The following AKAP13 variants were observed in gnomAD, a reference collection of about 807,000 sequenced individuals.
The protein encoded by AKAP13 is A-kinase anchoring protein 13.
AKAP13 carries 80 observed loss-of-function variants against 264.5 expected under a neutral mutation model. The observed-to-expected ratio is 0.30, with a 90% CI of 0.25 to 0.36. AKAP13 has a LOEUF of 0.36. Ranked by LOEUF, AKAP13 falls within the 10% of genes least tolerant of loss-of-function variation. The pLI is 1.00. For missense variants in AKAP13, 3,712 were observed against 3,435.2 expected (o/e 1.08, Z -2.01); for synonymous variants, 1,380 against 1,250.2 (o/e 1.10, Z -2.19).
At chr15:85,475,684 TAGC>T (rs1213674525) in intron 1 of AKAP13, among the ~76,000 whole-genome samples, 1 of 152,156 alleles carries the variant, frequency 6.6e-6, no homozygotes, top group East Asian at 1.9e-4. Context: ...GCTTAACACT[TAGC>T]AGAATTCATG....
At chr15:85,450,541 TTC>T (rs777711780) in intron 1 of AKAP13, among the ~76,000 whole-genome samples, 1 of 152,192 alleles carries the variant, frequency 6.6e-6, no homozygotes, top group Non-Finnish European at 1.5e-5. Flanking sequence ...GTCCCAGAGA[TTC>T]TGTTATGTTG....
chr15:85,668,228 A>G (rs1318932637), intron 13 of AKAP13, among the ~76,000 whole-genome samples: 2 of 152,226 alleles, frequency 1.3e-5, no homozygotes, highest in Admixed American at 6.5e-5. Context: ...GCTCTAAATA[A>G]TCAGAAGTCT....
Position 85,581,074 on chromosome 15 carries a change from C to T in AKAP13, c.3006C>T (p.Ala1002=). ...AAACTGAACATAACAAGGAAGTGGC[C>T]CCACAAGTCTCACTGCTGACTCAAG... ...KAETEHNKEV[A]PQVSLLTQGG... is the part of the protein sequence containing the mutation. The change falls in exon 7 of 37, where the codon GCC becomes GCT. Residue 1002 remains alanine, a synonymous_variant. Transcript: ENST00000394518. 3.1e-6 allele frequency: 5 copies of T among 1,613,998 alleles called. No individual in the cohort carries two copies. Among genetic ancestry groups the T allele is most frequent in the Non-Finnish European group, 4.2e-6 (5 of 1,179,968 alleles).
At chr15:85,450,306 C>G (rs1461121514) in intron 1 of AKAP13, among the ~76,000 whole-genome samples, 1 of 151,656 alleles carries the variant, frequency 6.6e-6, no homozygotes, top group South Asian at 2.1e-4. Flanking sequence ...GATCTTCTCT[C>G]TTTTCTTCTT....
intron 23 of AKAP13, among the ~76,000 whole-genome samples, chr15:85,719,734 A>C (rs1455224566): frequency 6.6e-6 from 1 of 152,060 alleles, no homozygotes; most frequent in South Asian, 2.1e-4. Context: ...CAGGAGTTCA[A>C]GACCAGCCTG....
At position 85,575,468 on chromosome 15, in the gene AKAP13, C is replaced by T. The variant is rs916560677; in HGVS notation, c.861+139C>T. 21 of 813,456 alleles carry T rather than the reference C, an allele frequency of 2.6e-5. No homozygotes were observed. The East Asian group carries it at 3.8e-4, about 15-fold the overall frequency. 50.4% of individuals were successfully genotyped at this position (813,456 alleles called of 1,614,324 possible). The stretch of plus-strand genomic sequence containing the variant: ...TTTCCTGGTGGGAGGCTGAGACGGG[C>T]GGATCACGAGGTCAGGAGATGGAGA... On this transcript the variant is annotated intron_variant, in intron 6 of 36. Coordinates refer to ENST00000394518, the MANE Select transcript of AKAP13 (RefSeq NM_007200.5).
At chr15:85,410,734 C>G (rs535773883) in intron 1 of AKAP13, among the ~76,000 whole-genome samples, 1 of 151,426 alleles carries the variant, frequency 6.6e-6, no homozygotes, top group Non-Finnish European at 1.5e-5. Context: ...TTTTTCAGGG[C>G]CTAACTCAAA....
chr15:85,660,688 A>G (rs1447410419), intron 12 of AKAP13, among the ~76,000 whole-genome samples: 1 of 152,184 alleles, frequency 6.6e-6, no homozygotes, highest in African/African-American at 2.4e-5. Flanking sequence ...TAAAATATAT[A>G]TCTTCTCCTC....
intron 5 of AKAP13, among the ~76,000 whole-genome samples, chr15:85,570,887 A>G (rs2078794952): frequency 6.6e-6 from 1 of 151,892 alleles, no homozygotes; most frequent in African/African-American, 2.4e-5. Flanking sequence ...GCAGGAAGAA[A>G]CAGAGCAAAA....
At position 85,521,429 on chromosome 15, in the gene AKAP13, G is replaced by T. The variant is rs200047704; in HGVS notation, c.35G>T (p.Gly12Val). ...TTGCTATATTGTTTCCTTTCCTAGG[G>T]TGATTGTGTTGTTACAGTGCTGCTT... ...KLNPQQAPLYGDCVVTVLLAE... is the reference protein window; with the variant it reads ...KLNPQQAPLYVDCVVTVLLAE... The change falls in exon 3 of 37, where the codon GGT (glycine) becomes GTT (valine). Residue 12 changes from glycine to valine, a missense_variant and splice_region_variant. Coordinates refer to ENST00000394518, the MANE Select transcript of AKAP13 (RefSeq NM_007200.5). 2.5e-6 allele frequency: 4 copies of T among 1,613,956 alleles called. No individual in the cohort carries two copies. The highest frequency in any genetic ancestry group is 3.4e-6 in the Non-Finnish European group (4 of 1,179,930).
intron 17 of AKAP13, among the ~76,000 whole-genome samples, chr15:85,703,047 G>A (rs1375269266): frequency 6.6e-6 from 1 of 152,168 alleles, no homozygotes; most frequent in Non-Finnish European, 1.5e-5. Flanking sequence ...CAGCATTTCA[G>A]TACTTTTGTG....
Position 85,485,742 on chromosome 15 carries a change from G to A in AKAP13, c.22G>A (p.Ala8Thr), listed in dbSNP as rs757629129. ...GGTCATGAAACTTAATCCACAGCAA[G>A]CTCCCTTATATGTGAGTAAATCATG... MKLNPQQ[A>T]PLYGDCVVTV... The change falls in exon 2 of 37, where the codon GCT becomes ACT. Residue 8 changes from alanine (A) to threonine (T), a missense_variant. Physicochemically the swap from Ala to Thr is moderately conservative, Grantham distance 58. Around this residue, in one of 3 missense-constraint regions of AKAP13, gnomAD observed 2,759 missense variants for 2,411.7 expected, o/e 1.14. Transcript: ENST00000394518. The A allele has an allele frequency of 3.1e-6, 5 of 1,612,968 alleles. No individual in the cohort carries two copies. The African/African-American group carries it at 6.7e-5, about 22-fold the overall frequency.
intron 5 of AKAP13, among the ~76,000 whole-genome samples, chr15:85,570,981 T>C (rs1190940186): frequency 6.6e-6 from 1 of 151,066 alleles, no homozygotes; most frequent in Non-Finnish European, 1.5e-5. Flanking sequence ...GTAATGACAG[T>C]TGTTTTGGCT....
At chr15:85,599,044 A>G (rs1391026027) in intron 8 of AKAP13, among the ~76,000 whole-genome samples, 2 of 152,192 alleles carry the variant, frequency 1.3e-5, no homozygotes, top group Non-Finnish European at 2.9e-5. Flanking sequence ...AGGTTTCCCT[A>G]ATGGGATGAT....
At chr15:85,428,674 A>G (rs539118581) in intron 1 of AKAP13, among the ~76,000 whole-genome samples, 3 of 152,344 alleles carry the variant, frequency 2.0e-5, no homozygotes, top group African/African-American at 7.2e-5. Context: ...AAGGACATAT[A>G]AAATTTCTTG....
chr15:85,728,050 C>A (rs2087723905), intron 29 of AKAP13, among the ~76,000 whole-genome samples: 1 of 152,316 alleles, frequency 6.6e-6, no homozygotes, highest in African/African-American at 2.4e-5. Context: ...TCGAGGCCCA[C>A]AGAGGACAAG....
intron 8 of AKAP13, among the ~76,000 whole-genome samples, chr15:85,606,940 G>C (rs1353341316): frequency 6.6e-6 from 1 of 152,178 alleles, no homozygotes; most frequent in African/African-American, 2.4e-5. Flanking sequence ...TCTGGGTGGG[G>C]ATTGTTTCGG....
chr15:85,740,230 C>T lies in AKAP13; in HGVS notation c.7566C>T (p.Val2522=). Residue 2522 remains valine (V), a synonymous_variant, in exon 34 of 37, where the codon GTC becomes GTT. Transcript: ENST00000394518. ...FMLKRNSEQV[V]QSVVHLYELL... is the part of the protein sequence containing the mutation. ...TTTTGTTCCTTTGGCAGCAGGTTGTCCAGAGCGTTGTTCATCTCTACGAGC... is the reference window on the plus strand; with the variant it reads ...TTTTGTTCCTTTGGCAGCAGGTTGTTCAGAGCGTTGTTCATCTCTACGAGC... 1 of 1,614,142 alleles carries T rather than the reference C, an allele frequency of 6.2e-7. No individual in the cohort carries two copies. The highest frequency in any genetic ancestry group is 8.5e-7 in the Non-Finnish European group (1 of 1,179,994).
intron 16 of AKAP13, among the ~76,000 whole-genome samples, chr15:85,688,958 A>G (rs920225380): frequency 2.6e-5 from 4 of 152,212 alleles, no homozygotes; most frequent in African/African-American, 4.8e-5. Context: ...ACTCATATGC[A>G]TGGTGTTCGA....
Sources: gnomAD v4.1 joint callset for allele counts (sites outside exome capture counted in the v4.1 genomes callset) on GRCh38, gnomAD v4.1.1 for gene constraint, gnomAD v4.1.1 regional missense constraint, MANE v1.5 for transcripts, NCBI Gene and HGNC (gene_info 2026-07-23, HGNC 2026-07-21) for gene names.